Variants in SIGLEC12 observed in about 807,000 individuals in gnomAD.
SIGLEC12 encodes the protein sialic acid binding Ig like lectin 12.
Under a neutral mutation model 54.1 loss-of-function variants are expected in SIGLEC12, and 43 were observed. The observed-to-expected ratio is 0.80, with a 90% CI of 0.62 to 1.03. The LOEUF (loss-of-function observed/expected upper bound fraction) is 1.03. SIGLEC12 is among the 50% of genes least tolerant of loss of function. The pLI is 0.00. For missense variants in SIGLEC12, 802 were observed against 735.2 expected, an observed-to-expected ratio of 1.09 and a Z score of -1.05; for synonymous variants, 357 against 307.6, an observed-to-expected ratio of 1.16 and a Z score of -1.68.
At chr19:51,495,766 T>C (rs1363894097) in intron 7 of SIGLEC12, among the ~76,000 whole-genome samples, 1 of 152,172 alleles carries the variant, frequency 6.6e-6, no homozygotes, top group Admixed American at 6.5e-5. Context: ...CTCTATAACT[T>C]TTCCTGAATG....
In SIGLEC12 at chr19:51,498,169, C is replaced by T; in HGVS notation, c.1254G>A (p.Leu418=). 1.2e-6 allele frequency: 2 copies of T among 1,614,236 alleles called. No homozygotes were observed. Among genetic ancestry groups the T allele is most frequent in the South Asian group, 2.2e-5 (2 of 91,088 alleles). Residue 418 remains leucine, a synonymous_variant, in exon 5 of 8, where the codon CTG becomes CTA. Coordinates refer to ENST00000291707, the MANE Select transcript of SIGLEC12 (RefSeq NM_053003.4). The part of the protein sequence containing the change: ...PARLSWTWGS[L]TLSPSQSSNL... The stretch of plus-strand genomic sequence containing the variant: ...TCGAGGACTGTGAGGGGCTCAGGGT[C>T]AGGCTCCCCCAGGTCCAGCTCAGCC...
At chr19:51,493,451 C>T (rs907016303) in intron 7 of SIGLEC12, among the ~76,000 whole-genome samples, 2 of 152,226 alleles carry the variant, frequency 1.3e-5, no homozygotes, top group Admixed American at 1.3e-4. Context: ...CCTCTCCCCT[C>T]TGCTGACTAT....
Position 51,491,662 on chromosome 19 carries a change from G to C in SIGLEC12, c.1767C>G (p.Ser589=). The change falls in exon 8 of 8, where the codon TCC becomes TCG. Residue 589 remains serine, a synonymous_variant. Coordinates refer to ENST00000291707, the MANE Select transcript of SIGLEC12 (RefSeq NM_053003.4). ...TTTCTCACTTGGGGATGTTGATCTC[G>C]GAGTACTCATAGCCGATGGCCTCCT... The part of the protein sequence containing the change: ...QEQEAIGYEY[S]EINIPK 6.2e-7 allele frequency: 1 copy of C among 1,614,058 alleles called. No homozygotes were observed. Among genetic ancestry groups the C allele is most frequent in the African/African-American group, 1.3e-5 (1 of 75,016 alleles).
intron 7 of SIGLEC12, among the ~76,000 whole-genome samples, 154 bp downstream of exon 7, chr19:51,496,726 G>A (rs1336334620): frequency 6.6e-6 from 1 of 152,124 alleles, no homozygotes; most frequent in African/African-American, 2.4e-5. Flanking sequence ...GGGATGGGGA[G>A]GGCAATGAAA....
At chr19:51,496,007 T>C (rs1990232343) in intron 7 of SIGLEC12, among the ~76,000 whole-genome samples, 1 of 152,132 alleles carries the variant, frequency 6.6e-6, no homozygotes, top group South Asian at 2.1e-4. Flanking sequence ...AGTCCAGCGT[T>C]GATGGAGCAT....
intron 7 of SIGLEC12, among the ~76,000 whole-genome samples, chr19:51,492,656 G>T (rs2122203228): frequency 6.6e-6 from 1 of 152,318 alleles, no homozygotes; most frequent in Non-Finnish European, 1.5e-5. Context: ...AGTGAAAGGA[G>T]GAGGGCATAG....
intron 7 of SIGLEC12, among the ~76,000 whole-genome samples, chr19:51,496,245 G>A (rs1205798407): frequency 9.9e-5 from 15 of 152,174 alleles, no homozygotes; most frequent in Admixed American, 8.5e-4. Flanking sequence ...TGAGGCAGGC[G>A]ATCACCTGAG....
chr19:51,500,452 A>T, intron 1 of SIGLEC12, 152 bp from the exon 2 acceptor site: 2 of 1,407,402 alleles, frequency 1.4e-6, no homozygotes, highest in East Asian at 4.9e-5. Context: ...TGTGGGACCC[A>T]CAGGGGGCTG....
rs374180089 is a variant in SIGLEC12, at chr19:51,498,017, C to G, written c.1405+1G>C. 1.2e-6 allele frequency: 2 copies of G among 1,614,226 alleles called. No individual in the cohort carries two copies. The highest frequency in any genetic ancestry group is 4.5e-5 in the East Asian group (2 of 44,896). ...CCTCCTCCAGACCCTCCCCTACCCA[C>G]CTGTGTACTCGTTTTGCAGGGAGAG... is the stretch of plus-strand genomic sequence containing the variant. On this transcript the variant is annotated splice_donor_variant, in intron 5 of 7. Coordinates refer to ENST00000291707, the MANE Select transcript of SIGLEC12 (RefSeq NM_053003.4). LOFTEE classifies it high-confidence loss of function.
In SIGLEC12 at chr19:51,498,103, A is replaced by T; in HGVS notation, c.1320T>A (p.Asp440Glu). The T allele has an allele frequency of 6.2e-7, 1 of 1,614,230 alleles. No homozygotes were observed. The highest frequency in any genetic ancestry group is 1.1e-5 in the South Asian group (1 of 91,086). Reference protein sequence around the residue: ...VLELPRVHVKDEGEFTCRAQN... With the variant: ...VLELPRVHVKEEGEFTCRAQN... Reference sequence around the variant, plus strand: ...GAGCTCGGCAGGTGAATTCCCCTTCATCCTTCACATGCACTCGAGGCAGCT... The same window carrying T: ...GAGCTCGGCAGGTGAATTCCCCTTCTTCCTTCACATGCACTCGAGGCAGCT... The change falls in exon 5 of 8, where the codon GAT (aspartate) becomes GAA (glutamate). Residue 440 changes from aspartate to glutamate, a missense_variant. Physicochemically the swap from Asp to Glu is conservative, Grantham distance 45. Coordinates refer to ENST00000291707, the MANE Select transcript of SIGLEC12 (RefSeq NM_053003.4).
At position 51,498,173 on chromosome 19, in the gene SIGLEC12, C is replaced by T. The variant is rs755354505; in HGVS notation, c.1250G>A (p.Ser417Asn). 6.2e-6 allele frequency: 10 copies of T among 1,614,222 alleles called. No individual in the cohort carries two copies. Among genetic ancestry groups the T allele is most frequent in the South Asian group, 1.1e-5 (1 of 91,080 alleles). ...PPARLSWTWG[S>N]LTLSPSQSSN... is the part of the protein sequence containing the mutation. ...GGACTGTGAGGGGCTCAGGGTCAGG[C>T]TCCCCCAGGTCCAGCTCAGCCTGGC... Residue 417 changes from serine to asparagine, a missense_variant, in exon 5 of 8, where the codon AGC (serine) becomes AAC (asparagine). Ser to Asn is a conservative substitution (Grantham distance 46). Coordinates refer to ENST00000291707, the MANE Select transcript of SIGLEC12 (RefSeq NM_053003.4).
intron 4 of SIGLEC12, 39 bp downstream of exon 4, chr19:51,499,131 C>T (rs539778485): frequency 2.5e-6 from 4 of 1,609,908 alleles, no homozygotes; most frequent in African/African-American, 1.3e-5. Flanking sequence ...GAGTTGAAGG[C>T]TCTGCTCCTC....
chr19:51,492,320 T>C (rs1990127053), intron 7 of SIGLEC12, among the ~76,000 whole-genome samples: 1 of 152,156 alleles, frequency 6.6e-6, no homozygotes, highest in Non-Finnish European at 1.5e-5. Flanking sequence ...TGAATATCTA[T>C]GTGTGAATTA....
chr19:51,501,053 C>T (rs1194687174), intron 1 of SIGLEC12, among the ~76,000 whole-genome samples: 2 of 152,052 alleles, frequency 1.3e-5, no homozygotes, highest in Non-Finnish European at 2.9e-5. Flanking sequence ...GTCATAAGGC[C>T]CCACATGCCA....
At chr19:51,498,779 G>T (rs774544856) in intron 4 of SIGLEC12, among the ~76,000 whole-genome samples, 7 of 152,208 alleles carry the variant, frequency 4.6e-5, no homozygotes, top group African/African-American at 7.2e-5. Flanking sequence ...GACCCTGGTC[G>T]ATTCTGGGGA....
rs767876035 is a variant in SIGLEC12, at chr19:51,500,300, G to A, written c.428C>T (p.Ala143Val). The change falls in exon 2 of 8, where the codon GCG (alanine) becomes GTG (valine). Residue 143 changes from alanine (A) to valine (V), a missense_variant and splice_region_variant. Physicochemically the swap from Ala to Val is moderately conservative, Grantham distance 64 (BLOSUM62 0). Coordinates refer to ENST00000291707, the MANE Select transcript of SIGLEC12 (RefSeq NM_053003.4). ...KYDQLSVNVTASQDLLSRYRL... is the reference protein window; with the variant it reads ...KYDQLSVNVTVSQDLLSRYRL... ...GTATCTTGACAGTAGGTCCTGGGAC[G>A]CTGTGGAGAAACGAGGGTCAGCCCA... 1.5e-5 allele frequency: 24 copies of A among 1,614,154 alleles called. No individual in the cohort carries two copies. The East Asian group carries it at 1.8e-4, about 12-fold the overall frequency.
At chr19:51,498,975 GGT>G (rs1205928382) in intron 4 of SIGLEC12, among the ~76,000 whole-genome samples, 193 bp downstream of exon 4, 1 of 152,082 alleles carries the variant, frequency 6.6e-6, no homozygotes, top group African/African-American at 2.4e-5. Flanking sequence ...GGCCAAAATA[GGT>G]GTGTGTGTGG....
Position 51,491,823 on chromosome 19 carries a change from G to T in SIGLEC12, c.1606C>A (p.Leu536Met). 1 of 1,563,518 alleles carries T rather than the reference G, an allele frequency of 6.4e-7. No homozygotes were observed. ...CTGTCATCTGCCGGGGATTCAATCA[G>T]GGGTCCCTGAATGGAGGAAGAGAAG... Reference protein sequence around the residue: ...AVRGSASQGPLIESPADDSPP... With the variant: ...AVRGSASQGPMIESPADDSPP... Residue 536 changes from leucine (L) to methionine (M), a missense_variant, in exon 8 of 8, where the codon CTG becomes ATG. Leu to Met is a conservative substitution (Grantham distance 15). Transcript: ENST00000291707.
intron 7 of SIGLEC12, among the ~76,000 whole-genome samples, chr19:51,492,777 T>C (rs1990141809): frequency 6.6e-6 from 1 of 152,210 alleles, no homozygotes. Flanking sequence ...CATCCTCCCC[T>C]GGATCTTCCA....
Sources: allele counts gnomAD v4.1 joint callset (sites outside exome capture counted in the v4.1 genomes callset), GRCh38; gene constraint gnomAD v4.1.1; transcripts MANE v1.5; gene names NCBI Gene and HGNC (gene_info 2026-07-23, HGNC 2026-07-21).